ROBO3: variants seen among roughly 807,000 people sequenced by gnomAD.
ROBO3 encodes roundabout homolog 3.
In ROBO3, 97 loss-of-function variants were observed where a neutral mutation model predicts 160.5. The ratio of observed to expected loss-of-function variants is 0.60; its 90% confidence interval spans 0.51 to 0.72. The LOEUF (loss-of-function observed/expected upper bound fraction) is 0.72. Among genes scored for constraint, ROBO3 ranks in the 30% least tolerant of loss-of-function variants. The probability of loss-of-function intolerance (pLI) is 0.00; values close to 1 mark genes in which losing one functional copy is unlikely to be tolerated. For synonymous variants in ROBO3, 780 were observed against 746.2 expected (o/e 1.05, Z -0.74); for missense variants, 1,858 against 1,846.5 (o/e 1.01, Z -0.11).
At position 124,879,281 on chromosome 11, in the gene ROBO3, C is replaced by A; in HGVS notation, c.3625C>A (p.Pro1209Thr). Residue 1209 changes from proline to threonine, a missense_variant, in exon 24 of 28, where the codon CCT becomes ACT. Physicochemically the swap from Pro to Thr is conservative, Grantham distance 38. Coordinates refer to ENST00000397801, the MANE Select transcript of ROBO3 (RefSeq NM_022370.4). The part of the protein sequence containing the change: ...EARPAGLGAG[P>T]AASPHLSPSP... ...GAGGCCTGCTGGCTTGGGTGCTGGC[C>A]CTGCAGCCTCACCCCACCTCAGCCC... 1.3e-6 allele frequency: 2 copies of A among 1,594,286 alleles called. No homozygotes were observed. Among genetic ancestry groups the A allele is most frequent in the South Asian group, 1.1e-5 (1 of 87,428 alleles).
chr11:124,880,367 G>A, intron 26 of ROBO3, 51 bp from the exon 27 acceptor site: 1 of 1,603,680 alleles, frequency 6.2e-7, no homozygotes, highest in Non-Finnish European at 8.5e-7. Flanking sequence ...GGGTGACAGG[G>A]AAGTTCTGCT....
At chr11:124,874,021 G>A in intron 11 of ROBO3, 49 bp from the exon 12 acceptor site, 2 of 1,610,026 alleles carry the variant, frequency 1.2e-6, no homozygotes, top group South Asian at 1.1e-5. Flanking sequence ...GAGTAGGCAG[G>A]TTGGGAGTTC....
Position 124,878,351 on chromosome 11 carries a change from C to T in ROBO3, c.3235C>T (p.Leu1079=), listed in dbSNP as rs750145267. The change falls in exon 22 of 28, where the codon CTG becomes TTG. Residue 1079 remains leucine (L), a synonymous_variant. Coordinates refer to ENST00000397801, the MANE Select transcript of ROBO3 (RefSeq NM_022370.4). This position sits in a 1 kb window ranked among gnomAD's most constrained non-coding sequence, Gnocchi z 4.3. ...GGGGAAACCTGTGCAGATGCCCTCT[C>T]TGAACTGGCCAGAAGCCCTGCCCCC... ...LLGKPVQMPS[L]NWPEALPPPP... 5.0e-6 allele frequency: 8 copies of T among 1,613,812 alleles called. No homozygotes were observed. In the Admixed American group the frequency reaches 1.3e-4, roughly 27 times the overall value.
rs1450987255 is a variant in ROBO3 at position 124,872,977 on chromosome 11, C to T, written c.1424C>T (p.Thr475Ile). ...GSSVWLPCRV[T>I]GNPQPSVRWK... ...TCCGTGTGGCTGCCCTGCAGAGTGA[C>T]TGGGAACCCTCAACCCAGTGTCCGA... is the stretch of plus-strand genomic sequence containing the variant. The change falls in exon 9 of 28, where the codon ACT becomes ATT. Residue 475 changes from threonine to isoleucine, a missense_variant. Physicochemically the swap from Thr to Ile is moderately conservative, Grantham distance 89. Transcript: ENST00000397801. The surrounding 1 kb of genome is among the most constrained non-coding windows in gnomAD (Gnocchi z 4.3). 1.9e-6 allele frequency: 3 copies of T among 1,613,556 alleles called. No individual in the cohort carries two copies. Among genetic ancestry groups the T allele is most frequent in the East Asian group, 2.2e-5 (1 of 44,894 alleles).
Position 124,874,067 on chromosome 11 carries a change from T to C in ROBO3, c.1785-3T>C. 6.2e-7 allele frequency: 1 copy of C among 1,613,906 alleles called. No individual in the cohort carries two copies. Among genetic ancestry groups the C allele is most frequent in the East Asian group, 2.2e-5 (1 of 44,882 alleles). The stretch of plus-strand genomic sequence containing the variant: ...CAACCCTGTCATCTCCTTCTTGTTG[T>C]AGCCCAGCAGCTGGCAACACATGGC... On this transcript the variant is annotated splice_polypyrimidine_tract_variant and splice_region_variant and intron_variant, in intron 11 of 27. Coordinates refer to ENST00000397801, the MANE Select transcript of ROBO3 (RefSeq NM_022370.4).
chr11:124,880,010 G>A (rs1591523054), intron 26 of ROBO3, 62 bp downstream of exon 26: 1 of 1,455,930 alleles, frequency 6.9e-7, no homozygotes, highest in East Asian at 2.5e-5. Flanking sequence ...CTTTGGGACT[G>A]GGGGCTGATA....
rs1374117669 is a variant in ROBO3, at chr11:124,868,828, A to G, written c.187A>G (p.Met63Val). Residue 63 changes from methionine (M) to valine (V), a missense_variant, in exon 2 of 28, where the codon ATG (methionine) becomes GTG (valine). Physicochemically the swap from Met to Val is conservative, Grantham distance 21. Coordinates refer to ENST00000397801, the MANE Select transcript of ROBO3 (RefSeq NM_022370.4). ...NGSRVGPEDA[M>V]PRIVEQPPDL... Reference sequence around the variant, plus strand: ...GTCAAGGGTAGGACCGGAGGACGCTATGCCCCGCATCGTGGAGCAGCCGCC... The same window carrying G: ...GTCAAGGGTAGGACCGGAGGACGCTGTGCCCCGCATCGTGGAGCAGCCGCC... 1 of 1,610,122 alleles carries G rather than the reference A, an allele frequency of 6.2e-7. No homozygotes were observed. The highest frequency in any genetic ancestry group is 8.5e-7 in the Non-Finnish European group (1 of 1,178,736).
In ROBO3 at chr11:124,865,457, C is replaced by T. The variant is rs1481451480; in HGVS notation, c.-121C>T. On this transcript the variant is annotated 5_prime_UTR_variant, in exon 1 of 28. Transcript: ENST00000397801. This position sits in a 1 kb window ranked among gnomAD's most constrained non-coding sequence, Gnocchi z 5.5. ...GTACCCAGGCGCACCGGCAGGAGAG[C>T]GGCACCGTGGCTGCCGCAGCGCGCA... 10 of 989,494 alleles carry T rather than the reference C, an allele frequency of 1.0e-5. No homozygotes were observed. The highest frequency in any genetic ancestry group is 2.5e-5 in the Admixed American group (1 of 39,962). 61.3% of individuals were successfully genotyped at this position (989,494 alleles called of 1,614,324 possible).
chr11:124,871,341 A>G (rs1183594324), intron 7 of ROBO3, among the ~76,000 whole-genome samples: 1 of 152,252 alleles, frequency 6.6e-6, no homozygotes, highest in Non-Finnish European at 1.5e-5. Context: ...TTAATAAATG[A>G]TAATAATACA....
chr11:124,881,291 A>G lies in ROBO3; in HGVS notation c.*41A>G, dbSNP rs1487006211. The G allele has an allele frequency of 6.3e-7, 1 of 1,582,502 alleles. No homozygotes were observed. Among genetic ancestry groups the G allele is most frequent in the African/African-American group, 1.3e-5 (1 of 74,272 alleles). ...TGAGAATATCATGAGTGCCACGGGG[A>G]AGGGGAGTAGGGATGTCTTTTCCCC... On this transcript the variant is annotated 3_prime_UTR_variant, in exon 28 of 28. Transcript: ENST00000397801.
At chr11:124,877,801 T>C (rs1328060095) in intron 20 of ROBO3, 136 bp from the exon 21 acceptor site, 1 of 1,214,642 alleles carries the variant, frequency 8.2e-7, no homozygotes, top group Admixed American at 2.1e-5. Context: ...CTCTCAGACC[T>C]ACCTCCACCC....
Position 124,880,547 on chromosome 11 carries a change from G to A in ROBO3, c.4088G>A (p.Arg1363Gln), listed in dbSNP as rs1159591884. 1.7e-5 allele frequency: 26 copies of A among 1,535,434 alleles called. 1 individual carries two copies. Among genetic ancestry groups the A allele is most frequent in the African/African-American group, 1.2e-4 (7 of 58,006 alleles). Residue 1363 changes from arginine (R) to glutamine (Q), a missense_variant, in exon 27 of 28, where the codon CGG becomes CAG. Arg to Gln is a conservative substitution (Grantham distance 43). Coordinates refer to ENST00000397801, the MANE Select transcript of ROBO3 (RefSeq NM_022370.4). ...TCTAGGGGCTCCCGGGGCCCTGGCC[G>A]GAGCCGGAGTCGGAGTCAGAGCCGG... ...SSSRGSRGPG[R>Q]SRSRSQSRSQ... is the part of the protein sequence containing the mutation.
At chr11:124,877,395 G>A in intron 19 of ROBO3, 86 bp downstream of exon 19, 1 of 1,590,516 alleles carries the variant, frequency 6.3e-7, no homozygotes, top group East Asian at 2.2e-5. Context: ...GGTGGAGGGA[G>A]CATGGCCACC....
rs1645521716 is a variant in ROBO3, at chr11:124,881,312, T to C, written c.*62T>C. ...GGGGAAGGGGAGTAGGGATGTCTTT[T>C]CCCCCCCAGCAGTGATGAGTGGGGC... On this transcript the variant is annotated 3_prime_UTR_variant, in exon 28 of 28. Coordinates refer to ENST00000397801, the MANE Select transcript of ROBO3 (RefSeq NM_022370.4). 9 of 1,526,866 alleles carry C rather than the reference T, an allele frequency of 5.9e-6. No homozygotes were observed. Among genetic ancestry groups the C allele is most frequent in the South Asian group, 1.2e-5 (1 of 84,164 alleles). 94.6% of individuals were successfully genotyped at this position (1,526,866 alleles called of 1,614,324 possible). A position where few individuals can be genotyped will look rare whatever the true frequency, so the allele number is the denominator to read the frequency against.
At chr11:124,877,073 G>T in intron 17 of ROBO3, 88 bp from the exon 18 acceptor site, 1 of 1,439,666 alleles carries the variant, frequency 6.9e-7, no homozygotes, top group Non-Finnish European at 9.8e-7. Flanking sequence ...AACTGGGACC[G>T]GGGCCTAGGC....
In ROBO3 at chr11:124,873,567, G is replaced by A. The variant is rs913711545; in HGVS notation, c.1619-130G>A. On this transcript the variant is annotated intron_variant, in intron 10 of 27. Transcript: ENST00000397801. The surrounding 1 kb of genome is among the most constrained non-coding windows in gnomAD (Gnocchi z 4.5). The stretch of plus-strand genomic sequence containing the variant: ...CCATGGGAGGCAGATGTGAGTAGGG[G>A]TTCATATACTATAGCCCACTCTGAC... 3.0e-6 allele frequency: 3 copies of A among 999,886 alleles called. No individual in the cohort carries two copies. The East Asian group carries it at 7.8e-5, about 26-fold the overall frequency. 61.9% of individuals were successfully genotyped at this position (999,886 alleles called of 1,614,324 possible).
rs1946275449 is a variant in ROBO3, at chr11:124,871,103, C to T, written c.1123C>T (p.Pro375Ser). ...CCAGTGCGAGACCAAAGGAAACCCCCCACCTGCCATCTTCTGGCAGAAGGA... is the reference window on the plus strand; with the variant it reads ...CCAGTGCGAGACCAAAGGAAACCCCTCACCTGCCATCTTCTGGCAGAAGGA... ...AFQCETKGNP[P>S]PAIFWQKEGS... Residue 375 changes from proline to serine, a missense_variant, in exon 7 of 28, where the codon CCA becomes TCA. Coordinates refer to ENST00000397801, the MANE Select transcript of ROBO3 (RefSeq NM_022370.4). 6.2e-7 allele frequency: 1 copy of T among 1,613,594 alleles called. No homozygotes were observed. Among genetic ancestry groups the T allele is most frequent in the Non-Finnish European group, 8.5e-7 (1 of 1,179,612 alleles).
chr11:124,869,577 A>G lies in ROBO3; in HGVS notation c.615A>G (p.Ala205=). The change falls in exon 3 of 28, where the codon GCA becomes GCG. Residue 205 remains alanine, a synonymous_variant. Coordinates refer to ENST00000397801, the MANE Select transcript of ROBO3 (RefSeq NM_022370.4). The surrounding 1 kb of genome is among the most constrained non-coding windows in gnomAD (Gnocchi z 4.2). ...EPSVSWRKDG[A]RLKEEEGRIT... is the part of the protein sequence containing the mutation. The stretch of plus-strand genomic sequence containing the variant: ...CCGTGTCCTGGAGGAAGGACGGTGC[A>G]AGACTCAAGGAAGAGGAAGGAAGGA... 1.9e-6 allele frequency: 3 copies of G among 1,576,188 alleles called. No individual in the cohort carries two copies. Among genetic ancestry groups the G allele is most frequent in the Non-Finnish European group, 2.6e-6 (3 of 1,160,658 alleles).
At chr11:124,875,425 G>A (rs1946343438) in intron 14 of ROBO3, 89 bp downstream of exon 14, 1 of 1,578,434 alleles carries the variant, frequency 6.3e-7, no homozygotes, top group Non-Finnish European at 8.6e-7. Context: ...TGCAGGAGGA[G>A]AGCAGGGTGA....
Sources: allele counts gnomAD v4.1 joint callset (sites outside exome capture counted in the v4.1 genomes callset), GRCh38; gene constraint gnomAD v4.1.1; non-coding constraint Gnocchi (gnomAD v3.1); transcripts MANE v1.5; gene names NCBI Gene and HGNC (gene_info 2026-07-23, HGNC 2026-07-21).